ADGRB3: variants seen among roughly 807,000 people sequenced by gnomAD.
ADGRB3 encodes brain-specific angiogenesis inhibitor 3.
ADGRB3 carries 37 observed loss-of-function variants against 193.4 expected under a neutral mutation model. The observed-to-expected ratio is 0.19, with a 90% CI of 0.15 to 0.25. The LOEUF (loss-of-function observed/expected upper bound fraction) is 0.25, where lower values mean the gene tolerates loss of function less well. ADGRB3 is among the 10% of genes least tolerant of loss of function. The pLI is 1.00. For missense variants in ADGRB3, 1,637 were observed against 1,852.9 expected (o/e 0.88, Z 2.14); for synonymous variants, 690 against 644.2 (o/e 1.07, Z -1.08).
At chr6:69,032,756 T>C (rs549704993) in intron 13 of ADGRB3, among the ~76,000 whole-genome samples, 19 of 152,338 alleles carry the variant, frequency 1.2e-4, no homozygotes, top group African/African-American at 4.6e-4. Context: ...ACTGTGCTTT[T>C]ATGTCAGTGC....
intron 17 of ADGRB3, among the ~76,000 whole-genome samples, chr6:69,095,760 A>G (rs1398325719): frequency 1.3e-5 from 2 of 152,164 alleles, no homozygotes; most frequent in Non-Finnish European, 2.9e-5. Flanking sequence ...ACTGAAATGT[A>G]TTGCTTCAAT....
intron 20 of ADGRB3, among the ~76,000 whole-genome samples, chr6:69,255,135 CT>C (rs1456706371): frequency 6.6e-6 from 1 of 151,926 alleles, no homozygotes; most frequent in East Asian, 1.9e-4. Context: ...GGTTCCAAGT[CT>C]TTGCTATTGT....
Position 68,864,527 on chromosome 6 carries a change from G to T in ADGRB3, c.758-66032G>T, listed in dbSNP as rs969555253. The stretch of plus-strand genomic sequence containing the variant: ...TCTCAGACATTCTTGGATAGGAAGA[G>T]AATGAGAGCCACACCCTAGGGATGA... On this transcript the variant is annotated intron_variant, in intron 3 of 31. Coordinates refer to ENST00000370598, the MANE Select transcript of ADGRB3 (RefSeq NM_001704.3). 7.3e-5 allele frequency among the ~76,000 whole-genome samples: 11 copies of T among 151,184 alleles called. No homozygotes were observed. The East Asian group carries it at 2.2e-3, about 30-fold the overall frequency.
intron 3 of ADGRB3, among the ~76,000 whole-genome samples, chr6:68,903,820 A>T (rs529113576): frequency 6.6e-6 from 1 of 151,820 alleles, no homozygotes; most frequent in East Asian, 2.0e-4. Flanking sequence ...CAACCTGGGC[A>T]ACATAGTGAC....
chr6:69,215,704 A>G (rs1302997842), intron 17 of ADGRB3, among the ~76,000 whole-genome samples: 3 of 152,108 alleles, frequency 2.0e-5, no homozygotes, highest in Non-Finnish European at 4.4e-5. Flanking sequence ...AAAAAAAATC[A>G]TCCAAAGCCT....
intron 13 of ADGRB3, among the ~76,000 whole-genome samples, chr6:69,031,119 TC>T (rs1313351793): frequency 1.5e-5 from 2 of 129,652 alleles, no homozygotes; most frequent in African/African-American, 5.9e-5. Flanking sequence ...CTCTTCTCTC[TC>T]TTCTCTCTGT....
In ADGRB3 at chr6:69,332,918, G is replaced by A; in HGVS notation, c.3103-5G>A. 6.2e-7 allele frequency: 1 copy of A among 1,613,214 alleles called. No homozygotes were observed. Among genetic ancestry groups the A allele is most frequent in the South Asian group, 1.1e-5 (1 of 90,830 alleles). ...TGAAAGGTCAACTTTGTTTCTGTTT[G>A]ACAGGTCAACATGGTGATTGGCATT... is the stretch of plus-strand genomic sequence containing the variant. On this transcript the variant is annotated splice_region_variant and splice_polypyrimidine_tract_variant and intron_variant, in intron 23 of 31. Coordinates refer to ENST00000370598, the MANE Select transcript of ADGRB3 (RefSeq NM_001704.3).
At chr6:69,031,683 G>A (rs1293989750) in intron 13 of ADGRB3, among the ~76,000 whole-genome samples, 1 of 149,674 alleles carries the variant, frequency 6.7e-6, no homozygotes, top group Non-Finnish European at 1.5e-5. Context: ...CACTCAGGCT[G>A]GAGTGCAGTG....
At position 68,710,020 on chromosome 6, in the gene ADGRB3, T is replaced by C. The variant is rs576973969; in HGVS notation, c.757+70588T>C. Among the ~76,000 whole-genome samples, 32 of 152,286 alleles carry C rather than the reference T, an allele frequency of 2.1e-4. No individual in the cohort carries two copies. The South Asian group carries it at 6.4e-3, about 31-fold the overall frequency. ...AATAGCTGACACATGTTAACACATATTGAGCACTTACTGGGCACTGGAGTA... is the reference window on the plus strand; with the variant it reads ...AATAGCTGACACATGTTAACACATACTGAGCACTTACTGGGCACTGGAGTA... On this transcript the variant is annotated intron_variant, in intron 3 of 31. Coordinates refer to ENST00000370598, the MANE Select transcript of ADGRB3 (RefSeq NM_001704.3).
At chr6:69,217,798 G>T (rs1765798465) in intron 17 of ADGRB3, among the ~76,000 whole-genome samples, 1 of 152,192 alleles carries the variant, frequency 6.6e-6, no homozygotes, top group Admixed American at 6.5e-5. Context: ...TTCTGTCCTT[G>T]AGTCCTCCCT....
At chr6:69,102,557 C>T (rs1011796215) in intron 17 of ADGRB3, among the ~76,000 whole-genome samples, 3 of 152,306 alleles carry the variant, frequency 2.0e-5, no homozygotes, top group East Asian at 3.9e-4. Flanking sequence ...ATTGAGGCCA[C>T]ATTCCCTGAG....
chr6:69,171,663 A>C (rs1008634302), intron 17 of ADGRB3, among the ~76,000 whole-genome samples: 13 of 152,166 alleles, frequency 8.5e-5, no homozygotes, highest in African/African-American at 2.7e-4. Context: ...ACCTGAGGTG[A>C]CTCAACCTCA....
At chr6:68,994,016 T>C (rs1039858633) in intron 11 of ADGRB3, 54 bp downstream of exon 11, 2 of 1,572,652 alleles carry the variant, frequency 1.3e-6, no homozygotes, top group African/African-American at 2.7e-5. Flanking sequence ...AATCAGTTTT[T>C]GGTCCCACGA....
intron 8 of ADGRB3, among the ~76,000 whole-genome samples, chr6:68,958,869 T>TAA (rs780261172): frequency 4.5e-4 from 39 of 86,994 alleles, no homozygotes; most frequent in Middle Eastern, 7.9e-3. Context: ...CAAAGAAAAA[T>TAA]AGTGTGTGTG....
intron 8 of ADGRB3, among the ~76,000 whole-genome samples, chr6:68,968,850 C>T (rs1306452401): frequency 6.6e-6 from 1 of 152,094 alleles, no homozygotes; most frequent in Non-Finnish European, 1.5e-5. Flanking sequence ...TATTACACTA[C>T]TGTCCAACAT....
intron 3 of ADGRB3, among the ~76,000 whole-genome samples, chr6:68,859,273 G>T (rs1765082282): frequency 6.6e-6 from 1 of 152,066 alleles, no homozygotes; most frequent in African/African-American, 2.4e-5. Flanking sequence ...TCAGCATTTT[G>T]GTCAAAGTAA....
At chr6:68,869,073 T>C (rs192218665) in intron 3 of ADGRB3, among the ~76,000 whole-genome samples, 9 of 152,264 alleles carry the variant, frequency 5.9e-5, no homozygotes, top group African/African-American at 2.2e-4. Flanking sequence ...GAGTTTAACC[T>C]CAAAGATTTT....
intron 17 of ADGRB3, among the ~76,000 whole-genome samples, chr6:69,107,130 A>G (rs1303128787): frequency 6.6e-6 from 1 of 152,230 alleles, no homozygotes; most frequent in Non-Finnish European, 1.5e-5. Flanking sequence ...CCAGCAAAAC[A>G]ATAGCCACTA....
intron 17 of ADGRB3, among the ~76,000 whole-genome samples, chr6:69,100,878 A>AAGGAGGG (rs1562159455): frequency 3.7e-4 from 7 of 19,178 alleles, no homozygotes; most frequent in Admixed American, 7.4e-4. Flanking sequence ...AGGAAGAAGG[A>AAGGAGGG]AGGGAGGGAA....
Sources: gnomAD v4.1 joint callset for allele counts (sites outside exome capture counted in the v4.1 genomes callset) on GRCh38, gnomAD v4.1.1 for gene constraint, MANE v1.5 for transcripts, NCBI Gene and HGNC (gene_info 2026-07-23, HGNC 2026-07-21) for gene names.